The following OSBPL2 variants were observed in gnomAD, a reference collection of about 807,000 sequenced individuals.
The protein encoded by OSBPL2 is oxysterol-binding protein-related protein 2.
In OSBPL2, 18 loss-of-function variants were observed where a neutral mutation model predicts 58.4. That is an observed-to-expected ratio of 0.31 (90% confidence interval 0.21 to 0.46). OSBPL2 has a LOEUF of 0.46. OSBPL2 is among the 20% of genes least tolerant of loss of function. The pLI is 1.00. For missense variants in OSBPL2, 461 were observed against 616.5 expected (o/e 0.75, Z 2.67); for synonymous variants, 221 against 234.1 (o/e 0.94, Z 0.51).
At position 62,263,655 on chromosome 20, in the gene OSBPL2, C is replaced by T. The variant is rs373158344; in HGVS notation, c.222C>T (p.Phe74=). The T allele has an allele frequency of 6.2e-6, 10 of 1,614,206 alleles. No individual in the cohort carries two copies. The highest frequency in any genetic ancestry group is 1.6e-4 in the Middle Eastern group (1 of 6,062). Residue 74 remains phenylalanine, a synonymous_variant, in exon 4 of 14, where the codon TTC becomes TTT. Transcript: ENST00000313733. ...CTCCCATGTTCAGCAGAAGCGACTT[C>T]AGCGTGTGGACCATCCTGAAGAAGT... is the stretch of plus-strand genomic sequence containing the variant. ...LPAPMFSRSD[F]SVWTILKKCV...
intron 4 of OSBPL2, among the ~76,000 whole-genome samples, chr20:62,264,226 G>T (rs1226071782): frequency 6.6e-6 from 1 of 152,176 alleles, no homozygotes; most frequent in Non-Finnish European, 1.5e-5. Context: ...CAGCCCTGTG[G>T]CCTGCGTGAG....
intron 1 of OSBPL2, among the ~76,000 whole-genome samples, chr20:62,244,617 C>T (rs1730997242): frequency 6.6e-6 from 1 of 152,262 alleles, no homozygotes; most frequent in African/African-American, 2.4e-5. Context: ...GGAAATACAT[C>T]GTACTGCATT....
chr20:62,278,833 C>G, intron 6 of OSBPL2: 2 of 239,340 alleles, frequency 8.4e-6, no homozygotes, highest in Non-Finnish European at 1.5e-5. Context: ...GTGTGTGTGT[C>G]TGTTGCCGTT....
chr20:62,259,298 T>A (rs1176127493), intron 2 of OSBPL2: 1 of 152,262 alleles, frequency 6.6e-6, no homozygotes, highest in Non-Finnish European at 1.5e-5. Flanking sequence ...CGTTCTGTCC[T>A]GGGGAAGGGC....
intron 4 of OSBPL2, among the ~76,000 whole-genome samples, chr20:62,271,192 G>A (rs6143012): frequency 0.4 from 60,552 of 151,822 alleles, 12,976 homozygotes; most frequent in East Asian, 0.52. Context: ...AAGCCCGGTG[G>A]GAAGAGTGGC....
chr20:62,293,893 T>C lies in OSBPL2; in HGVS notation c.*6T>C. On this transcript the variant is annotated 3_prime_UTR_variant, in exon 14 of 14. Coordinates refer to ENST00000313733, the MANE Select transcript of OSBPL2 (RefSeq NM_144498.4). ...ACTGCCCAGATATCTACTGAGGGCC[T>C]GGAGGGGCCTGGGGCCCGGGACCGG... The C allele has an allele frequency of 6.2e-7, 1 of 1,613,038 alleles. No homozygotes were observed.
Position 62,281,060 on chromosome 20 carries a change from A to G in OSBPL2, c.677A>G (p.His226Arg). The change falls in exon 8 of 14, where the codon CAT becomes CGT. Residue 226 changes from histidine to arginine, a missense_variant and splice_region_variant. Physicochemically the swap from His to Arg is conservative, Grantham distance 29. Around this residue, in one of 5 missense-constraint regions of OSBPL2, gnomAD observed 319 missense variants for 419.2 expected, o/e 0.76. Coordinates refer to ENST00000313733, the MANE Select transcript of OSBPL2 (RefSeq NM_144498.4). Reference protein sequence around the residue: ...RGTITLELLKHNEAYTWTNPT... With the variant: ...RGTITLELLKRNEAYTWTNPT... ...CTTGTTTTCTGGTGTCTTCACAGAC[A>G]TAATGAAGCCTACACCTGGACCAAC... 1 of 1,612,274 alleles carries G rather than the reference A, an allele frequency of 6.2e-7. No homozygotes were observed. The highest frequency in any genetic ancestry group is 8.5e-7 in the Non-Finnish European group (1 of 1,178,254).
In OSBPL2 at chr20:62,272,303, T is replaced by C. The variant is rs2297593; in HGVS notation, c.393+44T>C. The C allele has an allele frequency of 3.9e-4, 631 of 1,601,326 alleles. 5 individuals are homozygous for C. In the East Asian group the frequency reaches 0.013, roughly 32 times the overall value. On this transcript the variant is annotated intron_variant, in intron 5 of 13. Coordinates refer to ENST00000313733, the MANE Select transcript of OSBPL2 (RefSeq NM_144498.4). ...AGGCAGGAGTTTGTCATGAAAGTGATGCCCCTTGCATGTCTGGCCACACAG... is the reference window on the plus strand; with the variant it reads ...AGGCAGGAGTTTGTCATGAAAGTGACGCCCCTTGCATGTCTGGCCACACAG...
rs1029200525 is a variant in OSBPL2 at position 62,286,602 on chromosome 20, C to A, written c.1016C>A (p.Ala339Asp). ...KAKLDEDSGK[A>D]DSDVADDVPV... ...TTTCAGGATGAAGACTCCGGGAAGG[C>A]TGACAGCGACGTGGCTGACGACGTG... Residue 339 changes from alanine (A) to aspartate (D), a missense_variant, in exon 11 of 14, where the codon GCT becomes GAT. By Grantham distance (126) the Ala-to-Asp change is moderately radical (BLOSUM62 -2). Coordinates refer to ENST00000313733, the MANE Select transcript of OSBPL2 (RefSeq NM_144498.4). 9.9e-6 allele frequency: 16 copies of A among 1,613,292 alleles called. No homozygotes were observed. Among genetic ancestry groups the A allele is most frequent in the Non-Finnish European group, 1.4e-5 (16 of 1,179,630 alleles).
chr20:62,257,683 T>A (rs1981018407), intron 2 of OSBPL2, among the ~76,000 whole-genome samples: 1 of 151,686 alleles, frequency 6.6e-6, no homozygotes, highest in Non-Finnish European at 1.5e-5. Context: ...GGGGTCTTGG[T>A]GTGACTGATA....
rs1480733208 is a variant in OSBPL2, at chr20:62,288,873, G to T, written c.1126-334G>T. Among the ~76,000 whole-genome samples, 1 of 152,164 alleles carries T rather than the reference G, an allele frequency of 6.6e-6. No homozygotes were observed. The highest frequency in any genetic ancestry group is 1.5e-5 in the Non-Finnish European group (1 of 68,030). On this transcript the variant is annotated intron_variant, in intron 11 of 13. Coordinates refer to ENST00000313733, the MANE Select transcript of OSBPL2 (RefSeq NM_144498.4). This position sits in a 1 kb window ranked among gnomAD's most constrained non-coding sequence, Gnocchi z 4.8. ...AGGAAAGGAGCAGGTACAAGCTGAG[G>T]GTTTAGCAGTGGGAGACAGGTGGCG...
At position 62,284,174 on chromosome 20, in the gene OSBPL2, G is replaced by A. The variant is rs139013591; in HGVS notation, c.996+5G>A. On this transcript the variant is annotated splice_donor_5th_base_variant and intron_variant, in intron 10 of 13. Transcript: ENST00000313733. Reference sequence around the variant, plus strand: ...CACCTGAGAAAGGCCAAGCTGGTAAGGGCTGGGGCGTCCCCGGGCAGAGCT... The same window carrying A: ...CACCTGAGAAAGGCCAAGCTGGTAAAGGCTGGGGCGTCCCCGGGCAGAGCT... 1.4e-5 allele frequency: 23 copies of A among 1,614,128 alleles called. No individual in the cohort carries two copies. Among genetic ancestry groups the A allele is most frequent in the Non-Finnish European group, 1.9e-5 (23 of 1,180,014 alleles).
At chr20:62,272,325 A>G (rs938553227) in intron 5 of OSBPL2, 66 bp downstream of exon 5, 5 of 1,576,580 alleles carry the variant, frequency 3.2e-6, no homozygotes, top group Non-Finnish European at 3.4e-6. Context: ...GTCTGGCCAC[A>G]CAGTCTTGGG....
rs1312531462 is a variant in OSBPL2, at chr20:62,275,953, A to G, written c.491+2547A>G. ...GAGACGGAATCTCCATTGGTTGCCC[A>G]GGCTGGAGGGCAGTGGCATGATCTC... On this transcript the variant is annotated intron_variant, in intron 6 of 13. Transcript: ENST00000313733. Among the ~76,000 whole-genome samples the G allele has an allele frequency of 3.4e-5, 5 of 145,422 alleles. No individual in the cohort carries two copies. The East Asian group carries it at 1.0e-3, about 30-fold the overall frequency.
intron 1 of OSBPL2, among the ~76,000 whole-genome samples, chr20:62,250,325 C>T (rs1345088637): frequency 6.6e-6 from 1 of 152,180 alleles, no homozygotes; most frequent in Non-Finnish European, 1.5e-5. Context: ...ATGGCAACTC[C>T]TTCAGGAGCG....
At position 62,269,975 on chromosome 20, in the gene OSBPL2, G is replaced by T. The variant is rs79078565; in HGVS notation, c.259-2150G>T. 0.076 allele frequency among the ~76,000 whole-genome samples: 11,563 copies of T among 152,334 alleles called. 550 individuals are homozygous for T. The highest frequency in any genetic ancestry group is 0.17 in the South Asian group (821 of 4,834). Reference sequence around the variant, plus strand: ...GCAGCCTGAGCCGCAGGCTCTGTGCGTCTGCCCTGTGCTCTCAGCCTCGGT... The same window carrying T: ...GCAGCCTGAGCCGCAGGCTCTGTGCTTCTGCCCTGTGCTCTCAGCCTCGGT... On this transcript the variant is annotated intron_variant, in intron 4 of 13. Coordinates refer to ENST00000313733, the MANE Select transcript of OSBPL2 (RefSeq NM_144498.4). This position sits in a 1 kb window ranked among gnomAD's most constrained non-coding sequence, Gnocchi z 4.2.
chr20:62,238,766 A>C (rs1311678447), intron 1 of OSBPL2, among the ~76,000 whole-genome samples, 169 bp downstream of exon 1: 1 of 150,380 alleles, frequency 6.6e-6, no homozygotes, highest in Admixed American at 6.6e-5. Context: ...CTCGACCCCC[A>C]CTGGGAGGCG....
rs1983254763 is a variant in OSBPL2 at position 62,288,180 on chromosome 20, CTG to C, written c.1126-1024_1126-1023del. ...GGTCTCCAGACGACTTCAGTATTTG[CTG>C]TGAGTGACATGGGGCACCAGGAGTC... On this transcript the variant is annotated intron_variant, in intron 11 of 13. Transcript: ENST00000313733. The surrounding 1 kb of genome is among the most constrained non-coding windows in gnomAD (Gnocchi z 4.8). Among the ~76,000 whole-genome samples the C allele has an allele frequency of 2.0e-5, 3 of 152,150 alleles. No individual in the cohort carries two copies. The highest frequency in any genetic ancestry group is 7.2e-5 in the African/African-American group (3 of 41,432).
chr20:62,265,228 A>G (rs1056828516), intron 4 of OSBPL2, among the ~76,000 whole-genome samples: 1 of 152,074 alleles, frequency 6.6e-6, no homozygotes, highest in African/African-American at 2.4e-5. Flanking sequence ...TTCTCCCCTA[A>G]TTATATATTT....
Sources: gnomAD v4.1 joint callset for allele counts (sites outside exome capture counted in the v4.1 genomes callset) on GRCh38, gnomAD v4.1.1 for gene constraint, gnomAD v4.1.1 regional missense constraint, Gnocchi (gnomAD v3.1) non-coding constraint, MANE v1.5 for transcripts, NCBI Gene and HGNC (gene_info 2026-07-23, HGNC 2026-07-21) for gene names.